MLF1: variants seen among roughly 807,000 people sequenced by gnomAD.
The protein encoded by MLF1 is myelodysplasia-myeloid leukemia factor 1.
A neutral mutation model predicts 38.3 loss-of-function variants in MLF1; 37 were observed. The ratio of observed to expected loss-of-function variants is 0.96; its 90% CI spans 0.74 to 1.27. The LOEUF (loss-of-function observed/expected upper bound fraction) is 1.27, where lower values mean the gene tolerates loss of function less well. Among genes scored for constraint, MLF1 ranks in the 50% most tolerant of loss-of-function variants. MLF1 has a pLI of 0.00. For synonymous variants in MLF1, 95 were observed against 106.5 expected, an observed-to-expected ratio of 0.89 and a Z score of 0.66; for missense variants, 331 against 349.2, an observed-to-expected ratio of 0.95 and a Z score of 0.42.
chr3:158,575,443 A>G (rs894796714), intron 1 of MLF1, among the ~76,000 whole-genome samples: 1 of 152,194 alleles, frequency 6.6e-6, no homozygotes, highest in African/African-American at 2.4e-5. Context: ...TAAGGGAGAA[A>G]AAGAATATGA....
chr3:158,584,658 AGTGTGTGTGTGTGTGTGTGT>A (rs56885799), intron 1 of MLF1, among the ~76,000 whole-genome samples: 2 of 134,280 alleles, frequency 1.5e-5, no homozygotes, highest in East Asian at 2.2e-4. Context: ...CCATAAAGAA[AGTGTGTGTGTGTGTGTGTGT>A]GTGTGTGTGT....
Position 158,583,367 on chromosome 3 carries a change from G to A in MLF1, c.48-9067G>A, listed in dbSNP as rs192097384. On this transcript the variant is annotated intron_variant, in intron 1 of 7. Coordinates refer to ENST00000466246, the MANE Select transcript of MLF1 (RefSeq NM_001369783.1). ...GGCCTCAAGAGAAATGAACTTTGCT[G>A]ACATGTTGATCTCAGACTTCCAGCC... Among the ~76,000 whole-genome samples the A allele has an allele frequency of 1.3e-3, 195 of 152,200 alleles. 2 individuals carry two copies. The highest frequency in any genetic ancestry group is 4.5e-3 in the African/African-American group (187 of 41,502).
At chr3:158,598,415 G>GC (rs1425348002) in intron 5 of MLF1, among the ~76,000 whole-genome samples, 101 of 149,706 alleles carry the variant, frequency 6.7e-4, no homozygotes, top group African/African-American at 2.2e-3. Flanking sequence ...TTTTTTTGTA[G>GC]CCCCCCCACC....
chr3:158,600,323 T>G (rs1433296786), intron 6 of MLF1, 150 bp downstream of exon 6: 1 of 412,976 alleles, frequency 2.4e-6, no homozygotes, highest in Non-Finnish European at 4.2e-6. Context: ...GATTGTGTTT[T>G]CATCCTTTCA....
intron 7 of MLF1, among the ~76,000 whole-genome samples, chr3:158,604,633 A>G (rs2731113): frequency 0.98 from 149,369 of 152,286 alleles, 73,272 homozygotes; most frequent in East Asian, 1. Flanking sequence ...AGTCTGCCTT[A>G]TTTTCTGGTT....
intron 3 of MLF1, among the ~76,000 whole-genome samples, chr3:158,596,348 G>C (rs1162006977): frequency 1.3e-5 from 2 of 152,114 alleles, no homozygotes; most frequent in Non-Finnish European, 2.9e-5. Flanking sequence ...CTGTCACCCA[G>C]ATCCTACTAT....
intron 1 of MLF1, among the ~76,000 whole-genome samples, chr3:158,577,845 G>T (rs1254092206): frequency 6.6e-6 from 1 of 152,118 alleles, no homozygotes; most frequent in Non-Finnish European, 1.5e-5. Flanking sequence ...CATGAAAAAG[G>T]AGTGAACTAT....
At chr3:158,577,128 T>C (rs1004543112) in intron 1 of MLF1, among the ~76,000 whole-genome samples, 2 of 152,204 alleles carry the variant, frequency 1.3e-5, no homozygotes, top group African/African-American at 4.8e-5. Context: ...TAATCTCTAT[T>C]TTAAAAATTT....
At chr3:158,588,643 C>T (rs1257081488) in intron 1 of MLF1, among the ~76,000 whole-genome samples, 10 of 150,790 alleles carry the variant, frequency 6.6e-5, no homozygotes, top group South Asian at 2.1e-4. Context: ...AAACTGCCCT[C>T]ATTCTAAGTC....
At chr3:158,591,253 G>A (rs1021141468) in intron 1 of MLF1, 1 of 419,706 alleles carries the variant, frequency 2.4e-6, no homozygotes, top group Non-Finnish European at 4.6e-6. Context: ...TCTGCCTCCC[G>A]GGTTCAAGCA....
chr3:158,575,725 A>G (rs935521843), intron 1 of MLF1, among the ~76,000 whole-genome samples: 4 of 152,128 alleles, frequency 2.6e-5, no homozygotes, highest in Non-Finnish European at 5.9e-5. Context: ...GGTGTCCTTT[A>G]TTCTCTTTCT....
chr3:158,593,057 A>G (rs3765025), intron 2 of MLF1, among the ~76,000 whole-genome samples: 85,313 of 151,770 alleles, frequency 0.56, 24,873 homozygotes, highest in African/African-American at 0.72. Flanking sequence ...CTTGTATCTC[A>G]AAAGCCTTAC....
chr3:158,593,214 C>G (rs1718414774), intron 2 of MLF1, among the ~76,000 whole-genome samples, 168 bp from the exon 3 acceptor site: 1 of 151,772 alleles, frequency 6.6e-6, no homozygotes, highest in African/African-American at 2.4e-5. Flanking sequence ...CTTTTTCAGC[C>G]TCATGAATGA....
chr3:158,582,098 T>G (rs1236710268), intron 1 of MLF1, among the ~76,000 whole-genome samples: 3 of 152,218 alleles, frequency 2.0e-5, no homozygotes, highest in South Asian at 4.2e-4. Flanking sequence ...GAGAATCACT[T>G]GAACCCAGGA....
chr3:158,572,784 G>A (rs1195604067), intron 1 of MLF1, among the ~76,000 whole-genome samples: 6 of 144,928 alleles, frequency 4.1e-5, no homozygotes, highest in Non-Finnish European at 4.6e-5. Flanking sequence ...GCAGTGGGGG[G>A]AGGAGGGTTT....
intron 1 of MLF1, 94 bp from the exon 2 acceptor site, chr3:158,592,340 A>G: frequency 4.5e-6 from 5 of 1,105,864 alleles, no homozygotes; most frequent in Non-Finnish European, 6.3e-6. Context: ...TAACAAACAT[A>G]TTAGCCCAAA....
At chr3:158,598,309 GT>G in intron 5 of MLF1, 101 bp downstream of exon 5, 1 of 1,183,490 alleles carries the variant, frequency 8.4e-7, no homozygotes, top group Non-Finnish European at 1.1e-6. Context: ...GTACAAGATG[GT>G]GGGGGGACAG....
chr3:158,596,580 G>A (rs1718910078), intron 3 of MLF1, among the ~76,000 whole-genome samples: 1 of 152,082 alleles, frequency 6.6e-6, no homozygotes, highest in Non-Finnish European at 1.5e-5. Flanking sequence ...TGAGTGATTA[G>A]GTGTGTATGT....
rs7628293 is a variant in MLF1, at chr3:158,605,876, A to G, written c.*674A>G. 62,604 of 180,370 alleles carry G rather than the reference A, an allele frequency of 0.35. 11,102 individuals are homozygous for G. Among genetic ancestry groups the G allele is most frequent in the Non-Finnish European group, 0.38 (32,288 of 84,496 alleles). 11.2% of individuals were successfully genotyped at this position (180,370 alleles called of 1,614,324 possible). ...TTTCTATATTACATTCTTAATATTC[A>G]CCAGATATTATATTGACCATTCTCT... On this transcript the variant is annotated 3_prime_UTR_variant, in exon 8 of 8. Coordinates refer to ENST00000466246, the MANE Select transcript of MLF1 (RefSeq NM_001369783.1).
Sources: allele counts gnomAD v4.1 joint callset (sites outside exome capture counted in the v4.1 genomes callset), GRCh38; gene constraint gnomAD v4.1.1; transcripts MANE v1.5; gene names NCBI Gene and HGNC (gene_info 2026-07-23, HGNC 2026-07-21).